Variants in ABHD2 observed in about 807,000 individuals in gnomAD.
ABHD2 encodes abhydrolase domain containing 2, acylglycerol lipase.
ABHD2 carries 20 observed loss-of-function variants against 48.1 expected under a neutral mutation model. The ratio of observed to expected loss-of-function variants is 0.42; its 90% CI spans 0.29 to 0.60. The LOEUF is 0.60. Among genes scored for constraint, ABHD2 ranks in the 20% least tolerant of loss-of-function variants. The probability of loss-of-function intolerance (pLI) is 0.24; values close to 1 mark genes in which losing one functional copy is unlikely to be tolerated. For missense variants in ABHD2, 405 were observed against 550.9 expected (o/e 0.74, Z 2.65); for synonymous variants, 209 against 214.2 (o/e 0.98, Z 0.21).
rs557283867 is a variant in ABHD2, at chr15:89,131,913, T to C, written c.194+15392T>C. On this transcript the variant is annotated intron_variant, in intron 3 of 10. Transcript: ENST00000352732. ...AGAACCAGCATAAGCAGGATAAGCA[T>C]GGCATTAAGAAATAAAGGCAAGTGT... Among the ~76,000 whole-genome samples, 37 of 152,132 alleles carry C rather than the reference T, an allele frequency of 2.4e-4. 1 individual carries two copies. The South Asian group carries it at 5.2e-3, about 21-fold the overall frequency.
At chr15:89,069,253 G>A in the ABHD2 span, among the ~76,000 whole-genome samples, 1 of 151,146 alleles carries the variant, frequency 6.6e-6, no homozygotes, top group Non-Finnish European at 1.5e-5. Flanking sequence ...TCAGTCTCTA[G>A]AGCAACTGGA....
intron 3 of ABHD2, among the ~76,000 whole-genome samples, chr15:89,126,255 C>T (rs930085771): frequency 2.0e-5 from 3 of 152,144 alleles, no homozygotes; most frequent in African/African-American, 7.2e-5. Flanking sequence ...TTTGAGTCAC[C>T]CCTCTGTGTC....
In ABHD2 at chr15:89,092,865, C is replaced by T. The variant is rs1901649996; in HGVS notation, c.-107+4302C>T. Among the ~76,000 whole-genome samples the T allele has an allele frequency of 6.6e-6, 1 of 152,140 alleles. No individual in the cohort carries two copies. Among genetic ancestry groups the T allele is most frequent in the Non-Finnish European group, 1.5e-5 (1 of 68,020 alleles). On this transcript the variant is annotated intron_variant, in intron 1 of 10. Coordinates refer to ENST00000352732, the MANE Select transcript of ABHD2 (RefSeq NM_152924.5). This position sits in a 1 kb window ranked among gnomAD's most constrained non-coding sequence, Gnocchi z 4.4. ...TATCTGTTTTCTGTTTCTAAGGATG[C>T]TAAAAAACAGTCTTATTTAGGCAGC...
At chr15:89,178,473 C>T (rs1347370797) in intron 6 of ABHD2, among the ~76,000 whole-genome samples, 1 of 152,190 alleles carries the variant, frequency 6.6e-6, no homozygotes. Context: ...AGAGTTCATG[C>T]GTCTGGTAAA....
chr15:89,186,246 G>A lies in ABHD2; in HGVS notation c.815+730G>A, dbSNP rs2051207689. Among the ~76,000 whole-genome samples, 1 of 152,204 alleles carries A rather than the reference G, an allele frequency of 6.6e-6. No individual in the cohort carries two copies. The stretch of plus-strand genomic sequence containing the variant: ...TGGTTTCGGCGCCTCCCTGCTCGGA[G>A]TTTGAGCCTCTCCTTATTCTTCATG... On this transcript the variant is annotated intron_variant, in intron 7 of 10. Transcript: ENST00000352732. The surrounding 1 kb of genome is among the most constrained non-coding windows in gnomAD (Gnocchi z 4.3).
intron 3 of ABHD2, among the ~76,000 whole-genome samples, chr15:89,150,029 CAT>C (rs1405214953): frequency 6.6e-6 from 1 of 152,180 alleles, no homozygotes; most frequent in Non-Finnish European, 1.5e-5. Flanking sequence ...AGGACAGTCA[CAT>C]GTGTCATCAT....
At chr15:89,171,670 A>G (rs1256239758) in intron 5 of ABHD2, among the ~76,000 whole-genome samples, 1 of 152,142 alleles carries the variant, frequency 6.6e-6, no homozygotes, top group Admixed American at 6.5e-5. Context: ...CAGCGCCCCC[A>G]TCTGTGAAGG....
intron 3 of ABHD2, among the ~76,000 whole-genome samples, chr15:89,148,958 T>G (rs899013699): frequency 6.6e-6 from 1 of 152,186 alleles, no homozygotes; most frequent in Non-Finnish European, 1.5e-5. Context: ...CAGTTTTTTG[T>G]TTTTAAATTT....
chr15:89,174,715 C>T lies in ABHD2; in HGVS notation c.539-1097C>T, dbSNP rs1034564699. ...AGTCTATTTTGTATGTGCTTTGCGT[C>T]GACATCCCTATCTTTCCATGTTAGA... is the stretch of plus-strand genomic sequence containing the variant. On this transcript the variant is annotated intron_variant, in intron 5 of 10. Coordinates refer to ENST00000352732, the MANE Select transcript of ABHD2 (RefSeq NM_152924.5). The surrounding 1 kb of genome is among the most constrained non-coding windows in gnomAD (Gnocchi z 4.1). Among the ~76,000 whole-genome samples the T allele has an allele frequency of 1.2e-4, 19 of 152,180 alleles. No individual in the cohort carries two copies. The highest frequency in any genetic ancestry group is 4.3e-4 in the African/African-American group (18 of 41,444).
At chr15:89,180,950 G>A (rs1027730016) in intron 6 of ABHD2, among the ~76,000 whole-genome samples, 20 of 152,062 alleles carry the variant, frequency 1.3e-4, no homozygotes, top group African/African-American at 2.4e-4. Flanking sequence ...GGGAAGGGCC[G>A]GGTGCGGTGG....
At chr15:89,070,959 G>C in the ABHD2 span, among the ~76,000 whole-genome samples, 1 of 151,902 alleles carries the variant, frequency 6.6e-6, no homozygotes. Flanking sequence ...TAATGAAGGC[G>C]TGTGCCTTCC....
At chr15:89,043,751 AGAG>A in the ABHD2 span, among the ~76,000 whole-genome samples, 5 of 145,862 alleles carry the variant, frequency 3.4e-5, no homozygotes, top group Admixed American at 6.8e-5. Context: ...AGGAGGAGGA[AGAG>A]GAGAAGAAGA....
At chr15:89,154,644 C>A (rs2050642725) in intron 4 of ABHD2, among the ~76,000 whole-genome samples, 1 of 152,182 alleles carries the variant, frequency 6.6e-6, no homozygotes, top group African/African-American at 2.4e-5. Flanking sequence ...TTATAACCCC[C>A]TTCTGCATTT....
At chr15:89,136,192 G>C (rs766453636) in intron 3 of ABHD2, 2 of 246,298 alleles carry the variant, frequency 8.1e-6, no homozygotes, top group Non-Finnish European at 1.6e-5. Flanking sequence ...GCCTCCCAAA[G>C]TGCTGAGATT....
At chr15:89,143,575 G>A (rs2050441454) in intron 3 of ABHD2, among the ~76,000 whole-genome samples, 1 of 152,076 alleles carries the variant, frequency 6.6e-6, no homozygotes, top group South Asian at 2.1e-4. Flanking sequence ...GCTTAGGCAG[G>A]AGAATCGCTT....
At chr15:89,160,767 T>C (rs537308435) in intron 5 of ABHD2, among the ~76,000 whole-genome samples, 1 of 152,296 alleles carries the variant, frequency 6.6e-6, no homozygotes, top group East Asian at 1.9e-4. Context: ...AGTGTGGCTC[T>C]TGAAGCTTCT....
At chr15:89,066,758 GT>G in the ABHD2 span, among the ~76,000 whole-genome samples, 1 of 152,184 alleles carries the variant, frequency 6.6e-6, no homozygotes, top group Non-Finnish European at 1.5e-5. Flanking sequence ...AAGGGTACCT[GT>G]TGCGGCAGGC....
the ABHD2 span, among the ~76,000 whole-genome samples, chr15:89,060,081 GC>G: frequency 7.8e-6 from 1 of 128,296 alleles, no homozygotes; most frequent in South Asian, 2.5e-4. Context: ...CCACTCCAAG[GC>G]CTTTTTTTTT....
chr15:89,124,305 T>A (rs2050099549), intron 3 of ABHD2, among the ~76,000 whole-genome samples: 1 of 152,208 alleles, frequency 6.6e-6, no homozygotes, highest in African/African-American at 2.4e-5. Flanking sequence ...GCAGTACCAA[T>A]GCAGAGGCTG....
Sources: allele counts gnomAD v4.1 joint callset (sites outside exome capture counted in the v4.1 genomes callset), GRCh38; gene constraint gnomAD v4.1.1; non-coding constraint Gnocchi (gnomAD v3.1); transcripts MANE v1.5; gene names NCBI Gene and HGNC (gene_info 2026-07-23, HGNC 2026-07-21).